CCSER1: variants seen among roughly 807,000 people sequenced by gnomAD.
CCSER1 encodes the protein coiled-coil serine rich protein 1, also known as serine-rich coiled-coil domain-containing protein 1.
CCSER1 carries 41 observed loss-of-function variants against 82.0 expected under a neutral mutation model. The ratio of observed to expected loss-of-function variants is 0.50; its 90% CI spans 0.39 to 0.65. The LOEUF (loss-of-function observed/expected upper bound fraction) is 0.65. Among genes scored for constraint, CCSER1 ranks in the 30% least tolerant of loss-of-function variants. CCSER1 has a pLI of 0.00. For synonymous variants in CCSER1, 414 were observed against 383.9 expected, an observed-to-expected ratio of 1.08 and a Z score of -0.92; for missense variants, 1,119 against 1,064.2, an observed-to-expected ratio of 1.05 and a Z score of -0.72.
At position 90,879,543 on chromosome 4, in the gene CCSER1, A is replaced by AGAG. The variant is rs1561294822; in HGVS notation, c.2095-43825_2095-43824insGGA. ...GGAAGAGGAAGAGGAAGAAGAAGAA[A>AGAG]GAAGAAGAAGAGGAAGAAGAAGAAG... On this transcript the variant is annotated intron_variant, in intron 8 of 10. Transcript: ENST00000509176. 4.8e-3 allele frequency among the ~76,000 whole-genome samples: 233 copies of AGAG among 48,638 alleles called. 1 individual carries two copies. Among genetic ancestry groups the AGAG allele is most frequent in the African/African-American group, 0.013 (218 of 17,340 alleles). 31.9% of individuals were successfully genotyped at this position (48,638 alleles called of 152,430 possible). A position where few individuals can be genotyped will look rare whatever the true frequency, so the allele number is the denominator to read the frequency against.
chr4:91,493,928 C>T (rs1333380125), intron 10 of CCSER1, among the ~76,000 whole-genome samples: 1 of 151,796 alleles, frequency 6.6e-6, no homozygotes, highest in Admixed American at 6.6e-5. Context: ...TATCTTTCCA[C>T]AGGGGAGCAC....
At chr4:90,608,150 A>G (rs1784976691) in intron 5 of CCSER1, among the ~76,000 whole-genome samples, 2 of 152,182 alleles carry the variant, frequency 1.3e-5, no homozygotes, top group South Asian at 4.1e-4. Flanking sequence ...TAAGGTATTT[A>G]GATTAAGGTT....
chr4:91,377,862 C>A (rs547359452), intron 10 of CCSER1, among the ~76,000 whole-genome samples: 185 of 152,206 alleles, frequency 1.2e-3, no homozygotes, highest in African/African-American at 3.8e-3. Flanking sequence ...AGGTTTTCTT[C>A]TAGGGTTTTT....
At chr4:90,715,304 T>C (rs933835983) in intron 6 of CCSER1, among the ~76,000 whole-genome samples, 2 of 152,046 alleles carry the variant, frequency 1.3e-5, no homozygotes, top group Admixed American at 1.3e-4. Context: ...TGTAGTTTAA[T>C]TTCTGAACCT....
At chr4:91,587,720 A>G (rs1158456984) in intron 10 of CCSER1, among the ~76,000 whole-genome samples, 1 of 151,700 alleles carries the variant, frequency 6.6e-6, no homozygotes, top group Admixed American at 6.6e-5. Context: ...CATCGAATGC[A>G]GATCTTGTGT....
At chr4:90,911,860 A>G (rs1410566020) in intron 8 of CCSER1, among the ~76,000 whole-genome samples, 1 of 152,010 alleles carries the variant, frequency 6.6e-6, no homozygotes, top group African/African-American at 2.4e-5. Flanking sequence ...AGGGTCCTAC[A>G]CCCATAGAGC....
intron 4 of CCSER1, among the ~76,000 whole-genome samples, chr4:90,420,758 A>G (rs926762472): frequency 6.6e-6 from 1 of 152,084 alleles, no homozygotes; most frequent in Non-Finnish European, 1.5e-5. Context: ...GTAACCTGCT[A>G]TTGTAGCATT....
chr4:90,208,819 C>T (rs9884675), intron 1 of CCSER1, among the ~76,000 whole-genome samples: 2 of 152,090 alleles, frequency 1.3e-5, no homozygotes, highest in African/African-American at 4.8e-5. Flanking sequence ...TCAGCTCGCC[C>T]TCCGTGGGCT....
At chr4:90,219,673 AT>A (rs1251390996) in intron 1 of CCSER1, among the ~76,000 whole-genome samples, 1 of 152,122 alleles carries the variant, frequency 6.6e-6, no homozygotes, top group Non-Finnish European at 1.5e-5. Context: ...CACTACTTGT[AT>A]TGGGCATATG....
At chr4:91,199,694 G>C (rs564674579) in intron 10 of CCSER1, among the ~76,000 whole-genome samples, 183 of 152,038 alleles carry the variant, frequency 1.2e-3, no homozygotes, top group Non-Finnish European at 2.0e-3. Flanking sequence ...ATGGATTATA[G>C]AAAATTAATA....
intron 1 of CCSER1, among the ~76,000 whole-genome samples, chr4:90,260,802 G>A (rs769251156): frequency 6.6e-6 from 1 of 152,122 alleles, no homozygotes; most frequent in Non-Finnish European, 1.5e-5. Flanking sequence ...TGCAACCTCC[G>A]CCTCCTGGGT....
intron 7 of CCSER1, among the ~76,000 whole-genome samples, chr4:90,736,523 A>T (rs961465249): frequency 6.6e-6 from 1 of 152,042 alleles, no homozygotes; most frequent in Non-Finnish European, 1.5e-5. Flanking sequence ...AAGTATAGCT[A>T]GTCCTGCTCT....
chr4:91,059,268 T>C (rs1743726915), intron 9 of CCSER1, among the ~76,000 whole-genome samples: 1 of 147,150 alleles, frequency 6.8e-6, no homozygotes, highest in Non-Finnish European at 1.5e-5. Context: ...TTTTTTTTTC[T>C]GAACCACATC....
At chr4:91,499,049 A>G (rs889620068) in intron 10 of CCSER1, among the ~76,000 whole-genome samples, 3 of 151,910 alleles carry the variant, frequency 2.0e-5, no homozygotes, top group Admixed American at 1.3e-4. Flanking sequence ...GTGCCCTTCT[A>G]TACTTATGCA....
At chr4:90,360,477 G>A (rs1745183883) in intron 3 of CCSER1, among the ~76,000 whole-genome samples, 1 of 151,008 alleles carries the variant, frequency 6.6e-6, no homozygotes, top group South Asian at 2.1e-4. Flanking sequence ...TCGGGAGGCT[G>A]AGGCAGGAGA....
At chr4:91,445,464 C>T (rs1346991924) in intron 10 of CCSER1, among the ~76,000 whole-genome samples, 1 of 151,560 alleles carries the variant, frequency 6.6e-6, no homozygotes, top group Non-Finnish European at 1.5e-5. Flanking sequence ...CACTTTCTCC[C>T]AAGCGGTCAC....
intron 7 of CCSER1, among the ~76,000 whole-genome samples, chr4:90,758,225 C>A (rs1267837769): frequency 6.6e-6 from 1 of 152,128 alleles, no homozygotes; most frequent in Non-Finnish European, 1.5e-5. Flanking sequence ...GTGTGTAGTC[C>A]TTGTTTCTTA....
chr4:91,529,523 C>T (rs2110163953), intron 10 of CCSER1, among the ~76,000 whole-genome samples: 1 of 152,070 alleles, frequency 6.6e-6, no homozygotes, highest in South Asian at 2.1e-4. Context: ...CTGTCTTCAC[C>T]TTATTTGTTG....
intron 1 of CCSER1, among the ~76,000 whole-genome samples, chr4:90,162,920 T>C (rs1729731729): frequency 6.6e-6 from 1 of 152,142 alleles, no homozygotes; most frequent in South Asian, 2.1e-4. Context: ...AACCACCTAA[T>C]TGAATAGTAT....
Sources: gnomAD v4.1 joint callset for allele counts (sites outside exome capture counted in the v4.1 genomes callset) on GRCh38, gnomAD v4.1.1 for gene constraint, MANE v1.5 for transcripts, NCBI Gene and HGNC (gene_info 2026-07-23, HGNC 2026-07-21) for gene names.